The following RPS27A variants were observed in gnomAD, a reference collection of about 807,000 sequenced individuals.
RPS27A encodes ribosomal protein S27a, also known as ubiquitin-ribosomal protein eS31 fusion protein.
In RPS27A, 1 loss-of-function variant was observed where a neutral mutation model predicts 18.9. The ratio of observed to expected loss-of-function variants is 0.05; its 90% CI spans 0.02 to 0.25. The LOEUF is 0.25. Ranked by LOEUF, RPS27A falls within the 10% of genes least tolerant of loss-of-function variation. RPS27A has a pLI of 1.00. For synonymous variants in RPS27A, 77 were observed against 63.7 expected, an observed-to-expected ratio of 1.21 and a Z score of -0.99; for missense variants, 123 against 187.4, an observed-to-expected ratio of 0.66 and a Z score of 2.01.
Position 55,232,769 on chromosome 2 carries a change from C to T in RPS27A, c.-17-39C>T, listed in dbSNP as rs1020142153. 8.5e-6 allele frequency: 13 copies of T among 1,524,740 alleles called. No individual in the cohort carries two copies. The African/African-American group carries it at 1.2e-4, about 14-fold the overall frequency. The allele number at this position is 1,524,740 out of a possible 1,614,324, so 94.5% of individuals were successfully genotyped here. A position where few individuals can be genotyped will look rare whatever the true frequency, so the allele number is the denominator to read the frequency against. ...ACCCTATGGTGCCTTCTCTTGTGATCCCTGACCTAACCTGTCTCTTCCTTT... is the reference window on the plus strand; with the variant it reads ...ACCCTATGGTGCCTTCTCTTGTGATTCCTGACCTAACCTGTCTCTTCCTTT... On this transcript the variant is annotated intron_variant, in intron 1 of 5. Coordinates refer to ENST00000272317, the MANE Select transcript of RPS27A (RefSeq NM_002954.6).
Position 55,234,146 on chromosome 2 carries a change from T to C in RPS27A, c.131T>C (p.Ile44Thr). 6.2e-7 allele frequency: 1 copy of C among 1,613,834 alleles called. No individual in the cohort carries two copies. ...EGIPPDQQRL[I>T]FAGKQLEDGR... ...ATTCCTCCTGATCAGCAGAGACTGA[T>C]CTTTGCTGGCAAGCAGCTGGAAGAT... The change falls in exon 4 of 6, where the codon ATC (isoleucine) becomes ACC (threonine). Residue 44 changes from isoleucine (I) to threonine (T), a missense_variant. Physicochemically the swap from Ile to Thr is moderately conservative, Grantham distance 89 (BLOSUM62 -1). This residue lies in a region of RPS27A where 66 missense variants were observed against 72.6 expected (regional missense o/e 0.91). Transcript: ENST00000272317.
In RPS27A at chr2:55,232,797, C is replaced by T. The variant is rs1675539795; in HGVS notation, c.-17-11C>T. On this transcript the variant is annotated splice_polypyrimidine_tract_variant and intron_variant, in intron 1 of 5. Transcript: ENST00000272317. Reference sequence around the variant, plus strand: ...TGACCTAACCTGTCTCTTCCTTTTCCTCAACCTCAGGTGGAGCCGCCACCA... The same window carrying T: ...TGACCTAACCTGTCTCTTCCTTTTCTTCAACCTCAGGTGGAGCCGCCACCA... 6.2e-7 allele frequency: 1 copy of T among 1,607,092 alleles called. No homozygotes were observed. Among genetic ancestry groups the T allele is most frequent in the Non-Finnish European group, 8.5e-7 (1 of 1,176,132 alleles).
chr2:55,235,503 G>A lies in RPS27A; in HGVS notation c.397G>A (p.Ala133Thr), dbSNP rs749434967. Residue 133 changes from alanine to threonine, a missense_variant, in exon 6 of 6, where the codon GCA (alanine) becomes ACA (threonine). Coordinates refer to ENST00000272317, the MANE Select transcript of RPS27A (RefSeq NM_002954.6). ...TGAATGTGGTGCTGGGGTGTTTATG[G>A]CAAGTCACTTTGACAGACATTATTG... ...SDECGAGVFM[A>T]SHFDRHYCGK... 1 of 1,611,096 alleles carries A rather than the reference G, an allele frequency of 6.2e-7. No individual in the cohort carries two copies. Among genetic ancestry groups the A allele is most frequent in the Admixed American group, 1.7e-5 (1 of 60,010 alleles).
At chr2:55,233,128 C>T (rs1675573443) in intron 2 of RPS27A, 2 of 637,456 alleles carry the variant, frequency 3.1e-6, no homozygotes, top group South Asian at 1.9e-5. Flanking sequence ...AGGAGACGCT[C>T]TGCCCGCCGG....
At chr2:55,233,705 T>G (rs909153500) in intron 3 of RPS27A, 2 of 490,704 alleles carry the variant, frequency 4.1e-6, no homozygotes, top group Non-Finnish European at 7.4e-6. Context: ...CCCGGCTTAC[T>G]GCAGCCTCCG....
rs549046878 is a variant in RPS27A, at chr2:55,234,233, T to A, written c.189+29T>A. ...TGTCTAGGGGAAGAGCAGCCTCTTT[T>A]AAAAAAAAAATGTTATTTTGGAAAT... On this transcript the variant is annotated intron_variant, in intron 4 of 5. Coordinates refer to ENST00000272317, the MANE Select transcript of RPS27A (RefSeq NM_002954.6). The A allele has an allele frequency of 4.1e-5, 57 of 1,393,202 alleles. No homozygotes were observed. In the Middle Eastern group the frequency reaches 5.4e-4, roughly 13 times the overall value. 86.3% of individuals were successfully genotyped at this position (1,393,202 alleles called of 1,614,324 possible).
intron 3 of RPS27A, 93 bp downstream of exon 3, chr2:55,233,510 A>AG: frequency 1.1e-6 from 1 of 880,926 alleles, no homozygotes. Flanking sequence ...TGATGGGGGA[A>AG]GGGGTCAGAT....
intron 3 of RPS27A, chr2:55,233,726 T>C (rs1675630427): frequency 2.1e-6 from 1 of 476,586 alleles, no homozygotes; most frequent in African/African-American, 2.0e-5. Flanking sequence ...CCTCCCGGGT[T>C]CAAGTGATTT....
intron 3 of RPS27A, 63 bp downstream of exon 3, chr2:55,233,480 C>G: frequency 9.1e-7 from 1 of 1,093,060 alleles, no homozygotes; most frequent in Non-Finnish European, 1.4e-6. Flanking sequence ...CCTGTAGGTG[C>G]TAGACATACC....
intron 3 of RPS27A, 91 bp from the exon 4 acceptor site, chr2:55,234,025 TATC>T: frequency 1.2e-6 from 1 of 824,836 alleles, no homozygotes; most frequent in Non-Finnish European, 2.2e-6. Flanking sequence ...CAGCCTTTAG[TATC>T]ATGTATTTGA....
rs1558535644 is a variant in RPS27A, at chr2:55,232,728, C to G, written c.-18+20C>G. 1 of 1,115,942 alleles carries G rather than the reference C, an allele frequency of 9.0e-7. No homozygotes were observed. Among genetic ancestry groups the G allele is most frequent in the Non-Finnish European group, 1.3e-6 (1 of 746,998 alleles). The allele number at this position is 1,115,942 out of a possible 1,614,324, so 69.1% of individuals were successfully genotyped here. ...TCTGCGGTGGGTGTCTGCACTTCGGCTGCTCTCGGGTTAGCACCCTATGGT... is the reference window on the plus strand; with the variant it reads ...TCTGCGGTGGGTGTCTGCACTTCGGGTGCTCTCGGGTTAGCACCCTATGGT... On this transcript the variant is annotated intron_variant, in intron 1 of 5. Coordinates refer to ENST00000272317, the MANE Select transcript of RPS27A (RefSeq NM_002954.6).
rs1489922917 is a variant in RPS27A at position 55,234,930 on chromosome 2, A to G, written c.289A>G (p.Lys97Glu). ...TPKKNKHKRK[K>E]VKLAVLKYYK... is the part of the protein sequence containing the mutation. ...CAAGAAGAATAAGCACAAGAGAAAG[A>G]AGGTTAAGCTGGCTGTCCTGAAATA... Residue 97 changes from lysine (K) to glutamate (E), a missense_variant, in exon 5 of 6, where the codon AAG becomes GAG. By Grantham distance (56) the Lys-to-Glu change is moderately conservative. This residue lies in a region of RPS27A where 57 missense variants were observed against 114.8 expected (regional missense o/e 0.50). Transcript: ENST00000272317. 6.2e-7 allele frequency: 1 copy of G among 1,613,420 alleles called. No homozygotes were observed. The highest frequency in any genetic ancestry group is 1.1e-5 in the South Asian group (1 of 91,070).
intron 4 of RPS27A, chr2:55,234,496 G>A: frequency 1.8e-6 from 1 of 549,528 alleles, no homozygotes; most frequent in South Asian, 2.1e-5. Context: ...CACTCCATGT[G>A]GTGTATTCTG....
rs779145696 is a variant in RPS27A at position 55,232,823 on chromosome 2, A to G, written c.-2A>G. On this transcript the variant is annotated 5_prime_UTR_variant, in exon 2 of 6. Coordinates refer to ENST00000272317, the MANE Select transcript of RPS27A (RefSeq NM_002954.6). ...TCAACCTCAGGTGGAGCCGCCACCA[A>G]AATGCAGATTTTCGTGAAAACCCTT... is the stretch of plus-strand genomic sequence containing the variant. 16 of 1,612,744 alleles carry G rather than the reference A, an allele frequency of 9.9e-6. 1 individual carries two copies. The African/African-American group carries it at 1.3e-4, about 13-fold the overall frequency.
intron 4 of RPS27A, 40 bp downstream of exon 4, chr2:55,234,244 T>A (rs771772760): frequency 1.8e-5 from 25 of 1,412,528 alleles, no homozygotes; most frequent in East Asian, 4.5e-5. Context: ...AAAAAAAAAA[T>A]GTTATTTTGG....
intron 4 of RPS27A, 135 bp from the exon 5 acceptor site, chr2:55,234,694 TTA>T: frequency 1.1e-6 from 1 of 939,320 alleles, no homozygotes; most frequent in Non-Finnish European, 1.7e-6. Context: ...ATCTGATACT[TTA>T]TTGGGTTTGG....
At chr2:55,235,253 CTT>C in intron 5 of RPS27A, 173 bp from the exon 6 acceptor site, 1 of 806,888 alleles carries the variant, frequency 1.2e-6, no homozygotes, top group Non-Finnish European at 2.0e-6. Flanking sequence ...AGTCCCAAGA[CTT>C]CTGAATGTTT....
In RPS27A at chr2:55,232,693, C is replaced by G. The variant is rs1353814682; in HGVS notation, c.-33C>G. ...GGGCCTGCGCGGCGTTCTTCCTTTT[C>G]GATCCGCCATCTGCGGTGGGTGTCT... On this transcript the variant is annotated 5_prime_UTR_variant, in exon 1 of 6. Transcript: ENST00000272317. 1 of 838,118 alleles carries G rather than the reference C, an allele frequency of 1.2e-6. No homozygotes were observed. The highest frequency in any genetic ancestry group is 2.0e-6 in the Non-Finnish European group (1 of 498,918). The allele number at this position is 838,118 out of a possible 1,614,324, so 51.9% of individuals were successfully genotyped here.
chr2:55,233,395 G>A lies in RPS27A; in HGVS notation c.81G>A (p.Lys27=). Reference sequence around the variant, plus strand: ...CCTCGGATACGATAGAAAATGTAAAGGCCAAGATCCAGGATAAGGAAGGCA... The same window carrying A: ...CCTCGGATACGATAGAAAATGTAAAAGCCAAGATCCAGGATAAGGAAGGCA... ...VEPSDTIENV[K]AKIQDKEGIP... Residue 27 remains lysine, a synonymous_variant, in exon 3 of 6, where the codon AAG becomes AAA. Transcript: ENST00000272317. 6.2e-7 allele frequency: 1 copy of A among 1,613,642 alleles called. No individual in the cohort carries two copies. The highest frequency in any genetic ancestry group is 2.2e-5 in the East Asian group (1 of 44,888).
Sources: allele counts gnomAD v4.1 joint callset, GRCh38; gene constraint gnomAD v4.1.1; regional missense constraint gnomAD v4.1.1; transcripts MANE v1.5; gene names NCBI Gene and HGNC (gene_info 2026-07-23, HGNC 2026-07-21).